The following S100A13 variants were observed in gnomAD, a reference collection of about 807,000 sequenced individuals.
The protein encoded by S100A13 is S100 calcium binding protein A13.
S100A13 carries 6 observed loss-of-function variants against 8.2 expected under a neutral mutation model. The observed-to-expected ratio is 0.73, with a 90% confidence interval of 0.40 to 1.44. The LOEUF (loss-of-function observed/expected upper bound fraction) is 1.44. Ranked by LOEUF, S100A13 falls within the 40% of genes most tolerant of loss-of-function variation. The pLI, the probability that S100A13 is intolerant of heterozygous loss-of-function variation, is 0.02. For missense variants in S100A13, 114 were observed against 113.6 expected, an observed-to-expected ratio of 1.00 and a Z score of -0.02; for synonymous variants, 39 against 45.9, an observed-to-expected ratio of 0.85 and a Z score of 0.61.
At position 153,626,302 on chromosome 1, in the gene S100A13, T is replaced by C; in HGVS notation, c.153+18A>G. ...TAATCATCATCTCACAAAATCTCAG[T>C]CCCAGACTTCTGCCTACCTTGAGCA... On this transcript the variant is annotated intron_variant, in intron 2 of 2. Coordinates refer to ENST00000476133, the MANE Select transcript of S100A13 (RefSeq NM_001024211.2). The C allele has an allele frequency of 1.2e-6, 2 of 1,612,418 alleles. No individual in the cohort carries two copies. The highest frequency in any genetic ancestry group is 1.1e-5 in the South Asian group (1 of 91,004).
chr1:153,631,462 A>T (rs1006155660), upstream of S100A13: 2 of 1,580,128 alleles, frequency 1.3e-6, no homozygotes, highest in African/African-American at 2.7e-5. Flanking sequence ...TTGCTTTATT[A>T]TAGGCACTGA....
intron 2 of S100A13, among the ~76,000 whole-genome samples, chr1:153,625,728 A>AT (rs1377379662): frequency 6.6e-6 from 1 of 152,244 alleles, no homozygotes; most frequent in African/African-American, 2.4e-5. Flanking sequence ...TCTTGGGGAA[A>AT]TTAGACCAGA....
chr1:153,622,320 G>C (rs544254401), intron 2 of S100A13, among the ~76,000 whole-genome samples: 1 of 152,238 alleles, frequency 6.6e-6, no homozygotes, highest in South Asian at 2.1e-4. Context: ...GCAGTGACCC[G>C]AGATCATGCC....
intron 1 of S100A13, 89 bp from the exon 2 acceptor site, chr1:153,626,622 C>T: frequency 1.4e-6 from 1 of 710,528 alleles, no homozygotes; most frequent in Non-Finnish European, 2.3e-6. Context: ...GGTGTTATCA[C>T]ATCAGTCTCA....
At chr1:153,620,341 G>A (rs1007314584) in intron 2 of S100A13, among the ~76,000 whole-genome samples, 5 of 151,586 alleles carry the variant, frequency 3.3e-5, no homozygotes, top group Admixed American at 2.6e-4. Context: ...CACACCCGTA[G>A]TCCCAACTAC....
chr1:153,631,506 T>C, upstream of S100A13: 1 of 1,612,130 alleles, frequency 6.2e-7, no homozygotes, highest in Non-Finnish European at 8.5e-7. Context: ...TTATTCATTC[T>C]GCCAGGTGAA....
At chr1:153,619,592 T>A (rs1667105112) in intron 2 of S100A13, among the ~76,000 whole-genome samples, 1 of 152,014 alleles carries the variant, frequency 6.6e-6, no homozygotes, top group South Asian at 2.1e-4. Context: ...AGTATCTGGG[T>A]TTTTAGGGGC....
At chr1:153,621,697 G>T (rs1327488309) in intron 2 of S100A13, among the ~76,000 whole-genome samples, 1 of 147,278 alleles carries the variant, frequency 6.8e-6, no homozygotes, top group African/African-American at 2.5e-5. Context: ...AAAAAAGAAA[G>T]AAAGAAAGAA....
upstream of S100A13, chr1:153,630,256 C>T (rs1667928353): frequency 2.0e-6 from 1 of 506,144 alleles, no homozygotes; most frequent in Non-Finnish European, 3.4e-6. Flanking sequence ...TCCAACTGCT[C>T]TCTCTCCATG....
chr1:153,619,173 AAGG>A (rs1667078537), intron 2 of S100A13, 135 bp from the exon 3 acceptor site: 7 of 816,134 alleles, frequency 8.6e-6, no homozygotes, highest in South Asian at 3.7e-5. Context: ...TTCTCTAAAG[AAGG>A]AGGCTGCAGC....
chr1:153,632,784 G>A (rs28700217), upstream of S100A13, among the ~76,000 whole-genome samples: 86,389 of 151,874 alleles, frequency 0.57, 24,927 homozygotes, highest in East Asian at 0.7. Flanking sequence ...GGGTCTTGAC[G>A]TGCCAGTGGA....
At chr1:153,622,439 G>A (rs1667330137) in intron 2 of S100A13, among the ~76,000 whole-genome samples, 1 of 152,170 alleles carries the variant, frequency 6.6e-6, no homozygotes, top group Non-Finnish European at 1.5e-5. Flanking sequence ...ACCTTATGTT[G>A]TTATTTTTCC....
At chr1:153,633,354 TAAC>T (rs1038529769), upstream of S100A13, among the ~76,000 whole-genome samples, 16 of 151,880 alleles carry the variant, frequency 1.1e-4, no homozygotes, top group East Asian at 1.7e-3. Context: ...CGTCTCAAAA[TAAC>T]AACAACAAAT....
upstream of S100A13, among the ~76,000 whole-genome samples, chr1:153,633,796 T>C (rs1456814213): frequency 7.2e-6 from 1 of 139,356 alleles, no homozygotes; most frequent in African/African-American, 2.7e-5. Context: ...CCAAATCCCC[T>C]CTAAGGCCCA....
upstream of S100A13, chr1:153,632,266 C>CT (rs397863604): frequency 0.5 from 46,023 of 91,928 alleles, 12,799 homozygotes; most frequent in South Asian, 0.63. Flanking sequence ...AAGAAATAAT[C>CT]TTTTTTTTTT....
At chr1:153,621,195 C>T (rs1427962719) in intron 2 of S100A13, among the ~76,000 whole-genome samples, 2 of 145,252 alleles carry the variant, frequency 1.4e-5, no homozygotes, top group Non-Finnish European at 3.0e-5. Flanking sequence ...CTTACTCTGT[C>T]GCCCAGGCTG....
upstream of S100A13, chr1:153,631,854 AT>A (rs747271796): frequency 1.2e-6 from 2 of 1,612,286 alleles, no homozygotes; most frequent in African/African-American, 2.7e-5. Flanking sequence ...AGACAGCCAC[AT>A]TGGGCAGCGC....
chr1:153,625,638 C>G (rs770352557), intron 2 of S100A13, among the ~76,000 whole-genome samples: 1 of 152,222 alleles, frequency 6.6e-6, no homozygotes, highest in Non-Finnish European at 1.5e-5. Context: ...GTGAGGAATG[C>G]GGACTGTGTT....
upstream of S100A13, chr1:153,631,744 A>G: frequency 6.2e-7 from 1 of 1,614,222 alleles, no homozygotes. Flanking sequence ...AAGGAGCTAG[A>G]CGAGAATGGA....
Sources: gnomAD v4.1 joint callset for allele counts (sites outside exome capture counted in the v4.1 genomes callset) on GRCh38, gnomAD v4.1.1 for gene constraint, MANE v1.5 for transcripts, NCBI Gene and HGNC (gene_info 2026-07-23, HGNC 2026-07-21) for gene names.